Variants in TRIM33 observed in about 807,000 individuals in gnomAD.
TRIM33 encodes tripartite motif containing 33.
A neutral mutation model predicts 125.4 loss-of-function variants in TRIM33; 20 were observed. That is an observed-to-expected ratio of 0.16 (90% CI 0.11 to 0.23). The LOEUF (loss-of-function observed/expected upper bound fraction) is 0.23, where lower values mean the gene tolerates loss of function less well. Among genes scored for constraint, TRIM33 ranks in the 10% least tolerant of loss-of-function variants. TRIM33 has a pLI of 1.00. For missense variants in TRIM33, 920 were observed against 1,411.4 expected (o/e 0.65, Z 5.58); for synonymous variants, 564 against 513.9 (o/e 1.10, Z -1.32).
In TRIM33 at chr1:114,393,000, C is replaced by T. The variant is rs1557834635; in HGVS notation, c.*4648G>A. ...AACACAGGAACGAAACAATTAGAAA[C>T]TGCAACCTTGTTTTAAAAAATTAAA... is the stretch of plus-strand genomic sequence containing the variant. On this transcript the variant is annotated 3_prime_UTR_variant, in exon 20 of 20. Coordinates refer to ENST00000358465, the MANE Select transcript of TRIM33 (RefSeq NM_015906.4). The T allele has an allele frequency of 1.0e-5, 2 of 200,840 alleles. No individual in the cohort carries two copies. Among genetic ancestry groups the T allele is most frequent in the Non-Finnish European group, 2.1e-5 (2 of 97,288 alleles). 12.4% of individuals were successfully genotyped at this position (200,840 alleles called of 1,614,324 possible).
At chr1:114,464,915 G>T (rs1650199807) in intron 1 of TRIM33, among the ~76,000 whole-genome samples, 1 of 152,172 alleles carries the variant, frequency 6.6e-6, no homozygotes, top group African/African-American at 2.4e-5. Context: ...ACTAGAAGCT[G>T]AAAGAGACAA....
intron 4 of TRIM33, chr1:114,460,131 A>G (rs1211099752): frequency 6.0e-6 from 1 of 167,412 alleles, no homozygotes; most frequent in Non-Finnish European, 1.3e-5. Flanking sequence ...AAGGTCAGCA[A>G]ACTGGCAATT....
intron 4 of TRIM33, among the ~76,000 whole-genome samples, chr1:114,440,933 T>C (rs1012690309): frequency 6.6e-6 from 1 of 152,218 alleles, no homozygotes; most frequent in African/African-American, 2.4e-5. Context: ...GACATCTTTG[T>C]TATTCTTTAC....
intron 1 of TRIM33, among the ~76,000 whole-genome samples, chr1:114,485,143 G>A (rs1167232088): frequency 6.6e-6 from 1 of 152,054 alleles, no homozygotes; most frequent in Non-Finnish European, 1.5e-5. Context: ...GCAGAGAATA[G>A]GAATTAAAAG....
intron 4 of TRIM33, among the ~76,000 whole-genome samples, chr1:114,436,400 C>CAAAAA (rs765728045): frequency 1.2e-4 from 5 of 40,852 alleles, no homozygotes; most frequent in African/African-American, 3.3e-4. Context: ...GACTCTGTCT[C>CAAAAA]AAAAAAAAAA....
At chr1:114,439,463 T>C (rs1234054386) in intron 4 of TRIM33, among the ~76,000 whole-genome samples, 1 of 94,890 alleles carries the variant, frequency 1.1e-5, no homozygotes, top group Non-Finnish European at 1.9e-5. Flanking sequence ...AGAGAGACTC[T>C]GTATCAAAAA....
chr1:114,427,672 T>C, intron 7 of TRIM33, 76 bp downstream of exon 7: 1 of 1,446,094 alleles, frequency 6.9e-7, no homozygotes, highest in East Asian at 2.4e-5. Flanking sequence ...AATGTATACT[T>C]TAAACAGGTG....
intron 1 of TRIM33, among the ~76,000 whole-genome samples, chr1:114,492,862 CAATT>C (rs1652153713): frequency 2.0e-5 from 3 of 152,166 alleles, no homozygotes; most frequent in Non-Finnish European, 1.5e-5. Context: ...AATAATGCTG[CAATT>C]AATACTGGCA....
chr1:114,506,320 T>C (rs891832953), intron 1 of TRIM33, among the ~76,000 whole-genome samples: 3 of 150,202 alleles, frequency 2.0e-5, no homozygotes, highest in Admixed American at 6.6e-5. Flanking sequence ...GAGGTGGAGG[T>C]TGCAGTGAGC....
At chr1:114,401,194 G>T (rs1301166508) in intron 17 of TRIM33, among the ~76,000 whole-genome samples, 195 bp downstream of exon 17, 4 of 152,018 alleles carry the variant, frequency 2.6e-5, no homozygotes, top group Admixed American at 6.5e-5. Context: ...CCGCCACCGT[G>T]CCCGGCTAGT....
At chr1:114,403,282 G>C (rs1162284455) in intron 15 of TRIM33, among the ~76,000 whole-genome samples, 1 of 152,174 alleles carries the variant, frequency 6.6e-6, no homozygotes, top group Non-Finnish European at 1.5e-5. Flanking sequence ...GTTTTGGCAT[G>C]TATTAAAATG....
chr1:114,459,634 T>C (rs1364713904), intron 4 of TRIM33, among the ~76,000 whole-genome samples: 9 of 152,130 alleles, frequency 5.9e-5, no homozygotes, highest in African/African-American at 1.7e-4. Context: ...TGTTGTCTAG[T>C]GGTACACATC....
At chr1:114,434,802 A>G (rs1031654427) in intron 4 of TRIM33, among the ~76,000 whole-genome samples, 6 of 152,248 alleles carry the variant, frequency 3.9e-5, no homozygotes, top group Admixed American at 6.5e-5. Context: ...TTTACAAGAA[A>G]CCACTGCCTA....
chr1:114,504,258 G>A (rs1367855060), intron 1 of TRIM33, among the ~76,000 whole-genome samples: 1 of 151,878 alleles, frequency 6.6e-6, no homozygotes, highest in African/African-American at 2.4e-5. Flanking sequence ...TCGACACTCC[G>A]TGCCTCAGGC....
At chr1:114,436,333 C>T (rs940466376) in intron 4 of TRIM33, among the ~76,000 whole-genome samples, 11 of 130,384 alleles carry the variant, frequency 8.4e-5, no homozygotes, top group Admixed American at 4.7e-4. Context: ...ACTGGGGAGG[C>T]GAAGATTGCA....
intron 1 of TRIM33, among the ~76,000 whole-genome samples, chr1:114,467,127 C>A (rs1650351334): frequency 6.6e-6 from 1 of 152,164 alleles, no homozygotes; most frequent in Non-Finnish European, 1.5e-5. Context: ...TAAACTATTT[C>A]TCTAATTAAA....
intron 11 of TRIM33, among the ~76,000 whole-genome samples, chr1:114,413,577 AAGAAAAGAAAAAGACTTTTTCT>A (rs1652728112): frequency 1.6e-5 from 2 of 128,946 alleles, no homozygotes; most frequent in Non-Finnish European, 3.2e-5. Flanking sequence ...AAAAAAAGAA[AAGAAAAGAAAAAGACTTTTTCT>A]GAAAAGAAAA....
At chr1:114,443,158 T>G (rs917588982) in intron 4 of TRIM33, among the ~76,000 whole-genome samples, 10 of 150,432 alleles carry the variant, frequency 6.6e-5, no homozygotes, top group Middle Eastern at 3.4e-3. Context: ...CTGAGGCAGG[T>G]AGATCACAAG....
intron 1 of TRIM33, among the ~76,000 whole-genome samples, chr1:114,503,006 T>C (rs1334598214): frequency 6.6e-6 from 1 of 152,212 alleles, no homozygotes; most frequent in Non-Finnish European, 1.5e-5. Flanking sequence ...AAATCTGGCT[T>C]CATACAGCTA....
Sources: allele counts gnomAD v4.1 joint callset (sites outside exome capture counted in the v4.1 genomes callset), GRCh38; gene constraint gnomAD v4.1.1; transcripts MANE v1.5; gene names NCBI Gene and HGNC (gene_info 2026-07-23, HGNC 2026-07-21).